Variants in STEAP1B observed in about 807,000 individuals in gnomAD.
The protein encoded by STEAP1B is STEAP family protein MGC87042.
In STEAP1B, 13 loss-of-function variants were observed where a neutral mutation model predicts 27.9. The observed-to-expected ratio is 0.47, with a 90% CI of 0.30 to 0.74. The LOEUF is 0.74. Ranked by LOEUF, STEAP1B falls within the 30% of genes least tolerant of loss-of-function variation. The pLI is 0.06. For missense variants in STEAP1B, 250 were observed against 298.7 expected, an observed-to-expected ratio of 0.84 and a Z score of 1.20; for synonymous variants, 86 against 107.1, an observed-to-expected ratio of 0.80 and a Z score of 1.22.
At chr7:22,487,569 G>T (rs1263134413) in intron 4 of STEAP1B, among the ~76,000 whole-genome samples, 3 of 130,012 alleles carry the variant, frequency 2.3e-5, no homozygotes, top group Non-Finnish European at 5.0e-5. Context: ...GGATGGCGGG[G>T]GCGGGGGGGT....
intron 4 of STEAP1B, among the ~76,000 whole-genome samples, chr7:22,454,846 T>TAAATATAA (rs1554285530): frequency 1.2e-5 from 1 of 83,176 alleles, no homozygotes; most frequent in Non-Finnish European, 2.3e-5. Context: ...TATATATATA[T>TAAATATAA]ATGTATATAT....
chr7:22,442,866 CT>C (rs770431705), intron 4 of STEAP1B, among the ~76,000 whole-genome samples: 2 of 152,126 alleles, frequency 1.3e-5, no homozygotes, highest in African/African-American at 2.4e-5. Context: ...CATTTGCCCC[CT>C]GGATGGAAGG....
chr7:22,439,935 A>G (rs1309775487), intron 4 of STEAP1B, among the ~76,000 whole-genome samples: 1 of 149,614 alleles, frequency 6.7e-6, no homozygotes, highest in African/African-American at 2.5e-5. Context: ...GGGCGTACAC[A>G]TTTTCTGTTG....
chr7:22,453,759 G>A (rs751440297), intron 4 of STEAP1B, among the ~76,000 whole-genome samples: 1 of 152,182 alleles, frequency 6.6e-6, no homozygotes, highest in African/African-American at 2.4e-5. Flanking sequence ...TTGACATAGA[G>A]TTGTTATATC....
intron 4 of STEAP1B, among the ~76,000 whole-genome samples, chr7:22,442,046 T>C (rs909788966): frequency 2.0e-5 from 3 of 152,374 alleles, no homozygotes; most frequent in South Asian, 2.1e-4. Context: ...CATGCTCCTA[T>C]GCTCCTACCC....
intron 4 of STEAP1B, among the ~76,000 whole-genome samples, chr7:22,427,032 G>A (rs1785117854): frequency 6.6e-6 from 1 of 152,200 alleles, no homozygotes; most frequent in Non-Finnish European, 1.5e-5. Context: ...CCTACACCAG[G>A]CCTGCCTGAG....
At chr7:22,449,053 T>A (rs760182751) in intron 4 of STEAP1B, among the ~76,000 whole-genome samples, 6 of 152,240 alleles carry the variant, frequency 3.9e-5, no homozygotes, top group Non-Finnish European at 7.3e-5. Flanking sequence ...GTACATGAGA[T>A]GTTTTGATAT....
At chr7:22,498,032 C>T (rs575160943) in intron 1 of STEAP1B, among the ~76,000 whole-genome samples, 1 of 152,230 alleles carries the variant, frequency 6.6e-6, no homozygotes, top group Admixed American at 6.5e-5. Flanking sequence ...AACCTAGGTC[C>T]CTTGCATGTG....
At chr7:22,438,686 C>T in intron 4 of STEAP1B, 1 of 1,551,804 alleles carries the variant, frequency 6.4e-7, no homozygotes, top group African/African-American at 1.4e-5. Flanking sequence ...GGTGTGCCTA[C>T]CAGTTGTGTC....
intron 4 of STEAP1B, among the ~76,000 whole-genome samples, chr7:22,482,440 G>T (rs1306043989): frequency 6.6e-6 from 1 of 152,166 alleles, no homozygotes; most frequent in Non-Finnish European, 1.5e-5. Context: ...ACTGGATTTA[G>T]TTATGTTGGT....
At chr7:22,473,845 G>A (rs774003939) in intron 4 of STEAP1B, among the ~76,000 whole-genome samples, 7 of 152,160 alleles carry the variant, frequency 4.6e-5, no homozygotes, top group Admixed American at 1.3e-4. Context: ...CTGTGATGGT[G>A]GTGATGGCAG....
At chr7:22,487,105 T>A (rs1182698976) in intron 4 of STEAP1B, among the ~76,000 whole-genome samples, 7 of 152,096 alleles carry the variant, frequency 4.6e-5, no homozygotes, top group Admixed American at 4.6e-4. Flanking sequence ...ATTTACAGAG[T>A]CACCATTATT....
At chr7:22,474,074 G>T (rs7788449) in intron 4 of STEAP1B, among the ~76,000 whole-genome samples, 93 of 152,298 alleles carry the variant, frequency 6.1e-4, no homozygotes, top group African/African-American at 2.2e-3. Context: ...ACATTCTGTT[G>T]TTGCAGTTCA....
chr7:22,479,197 G>T (rs1338595731), intron 4 of STEAP1B, among the ~76,000 whole-genome samples: 1 of 152,176 alleles, frequency 6.6e-6, no homozygotes, highest in Non-Finnish European at 1.5e-5. Context: ...CCTGGGGCTT[G>T]CTGGGTGGGA....
intron 4 of STEAP1B, among the ~76,000 whole-genome samples, chr7:22,452,425 C>A (rs375713749): frequency 2.0e-5 from 3 of 152,080 alleles, no homozygotes; most frequent in Non-Finnish European, 2.9e-5. Context: ...ACAATCCCCC[C>A]CCTCCCCGCG....
At chr7:22,453,534 T>C (rs1204699396) in intron 4 of STEAP1B, among the ~76,000 whole-genome samples, 2 of 152,252 alleles carry the variant, frequency 1.3e-5, no homozygotes, top group African/African-American at 2.4e-5. Flanking sequence ...AGCTCTTTTC[T>C]GTGACTTTTA....
intron 2 of STEAP1B, 85 bp from the exon 3 acceptor site, chr7:22,493,921 G>A: frequency 1.4e-6 from 2 of 1,443,710 alleles, no homozygotes; most frequent in South Asian, 1.4e-5. Flanking sequence ...CTCAATCATT[G>A]TGCTTCTCAT....
intron 4 of STEAP1B, among the ~76,000 whole-genome samples, chr7:22,424,508 A>G (rs981219191): frequency 2.0e-5 from 3 of 152,210 alleles, no homozygotes; most frequent in African/African-American, 7.2e-5. Context: ...TTTCATACTC[A>G]TCTGGGCATG....
intron 4 of STEAP1B, among the ~76,000 whole-genome samples, chr7:22,491,118 C>T (rs552207915): frequency 1.3e-4 from 20 of 152,302 alleles, no homozygotes; most frequent in African/African-American, 4.8e-4. Context: ...AGTAAGTGCA[C>T]ATCGTTTTAG....
Sources: gnomAD v4.1 joint callset for allele counts (sites outside exome capture counted in the v4.1 genomes callset) on GRCh38, gnomAD v4.1.1 for gene constraint, MANE v1.5 for transcripts, NCBI Gene and HGNC (gene_info 2026-07-23, HGNC 2026-07-21) for gene names.